The following KAZN variants were observed in gnomAD, a reference collection of about 807,000 sequenced individuals.
The protein encoded by KAZN is kazrin.
In KAZN, 40 loss-of-function variants were observed where a neutral mutation model predicts 87.4. That is an observed-to-expected ratio of 0.46 (90% CI 0.36 to 0.60). The LOEUF is 0.60. Among genes scored for constraint, KAZN ranks in the 20% least tolerant of loss-of-function variants. KAZN has a pLI of 0.00. For synonymous variants in KAZN, 466 were observed against 458.3 expected, an observed-to-expected ratio of 1.02 and a Z score of -0.22; for missense variants, 898 against 1,073.9, an observed-to-expected ratio of 0.84 and a Z score of 2.29.
intron 2 of KAZN, among the ~76,000 whole-genome samples, chr1:14,383,697 C>T (rs1459526331): frequency 6.6e-6 from 1 of 152,094 alleles, no homozygotes; most frequent in African/African-American, 2.4e-5. Context: ...GTACCAGTAC[C>T]ATGCTGTTTT....
intron 1 of KAZN, among the ~76,000 whole-genome samples, chr1:14,038,906 C>G (rs545055672): frequency 6.6e-6 from 1 of 152,294 alleles, no homozygotes; most frequent in East Asian, 1.9e-4. Flanking sequence ...TGGCTCATGC[C>G]TGTAATCCCA....
intron 1 of KAZN, among the ~76,000 whole-genome samples, chr1:14,903,026 G>A (rs1353650664): frequency 6.6e-6 from 1 of 151,754 alleles, no homozygotes; most frequent in South Asian, 2.1e-4. Context: ...CTGCCACCAC[G>A]CCCAGCTAAT....
At chr1:14,746,444 G>T (rs1425191515) in intron 1 of KAZN, among the ~76,000 whole-genome samples, 2 of 152,028 alleles carry the variant, frequency 1.3e-5, no homozygotes, top group African/African-American at 4.8e-5. Context: ...GAGGTCACTG[G>T]CAGACAATTA....
intron 2 of KAZN, among the ~76,000 whole-genome samples, chr1:14,396,363 A>C (rs1179389616): frequency 6.6e-6 from 1 of 152,182 alleles, no homozygotes; most frequent in Non-Finnish European, 1.5e-5. Flanking sequence ...AGCTAGGGCA[A>C]ACCCAAGTCC....
chr1:14,043,100 A>G (rs1340886279), intron 1 of KAZN, among the ~76,000 whole-genome samples: 1 of 152,190 alleles, frequency 6.6e-6, no homozygotes, highest in Non-Finnish European at 1.5e-5. Context: ...CTTGGCAATT[A>G]CCATTCTACT....
chr1:14,822,914 C>T (rs570659107), intron 1 of KAZN, among the ~76,000 whole-genome samples: 1 of 152,290 alleles, frequency 6.6e-6, no homozygotes, highest in African/African-American at 2.4e-5. Context: ...AGCCCTGGCC[C>T]GTGCCGCTTT....
intron 2 of KAZN, among the ~76,000 whole-genome samples, chr1:14,459,260 C>CGTGTGTGTGTGTGTGTGT (rs969777643): frequency 1.7e-5 from 2 of 118,028 alleles, no homozygotes; most frequent in Admixed American, 1.6e-4. Context: ...TGTGTGTGCG[C>CGTGTGTGTGTGTGTGTGT]GTGTGTGTGT....
At chr1:14,034,732 G>A (rs1641475007) in intron 1 of KAZN, among the ~76,000 whole-genome samples, 1 of 152,160 alleles carries the variant, frequency 6.6e-6, no homozygotes. Flanking sequence ...TTCGTTGGGT[G>A]CACTTAGTGC....
intron 1 of KAZN, among the ~76,000 whole-genome samples, chr1:14,047,390 C>G (rs1287231406): frequency 6.6e-6 from 1 of 152,172 alleles, no homozygotes; most frequent in Non-Finnish European, 1.5e-5. Context: ...GACCTCTTGC[C>G]TGGACACCCA....
chr1:15,001,099 C>T (rs1208394314), intron 2 of KAZN, among the ~76,000 whole-genome samples: 1 of 151,864 alleles, frequency 6.6e-6, no homozygotes, highest in African/African-American at 2.4e-5. Context: ...GGAGACCTTG[C>T]CTCTAAAAAA....
rs1479113087 is a variant in KAZN at position 14,159,804 on chromosome 1, GT to G, written c.92-20630del. Reference sequence around the variant, plus strand: ...CACTGCTGGGCTCTTCAGTTAGCAGGTGATGAATCCTTCCAGGACTCCTTCC... The same window carrying G: ...CACTGCTGGGCTCTTCAGTTAGCAGGGATGAATCCTTCCAGGACTCCTTCC... On this transcript the variant is annotated intron_variant, in intron 1 of 16. Transcript: ENST00000636203. Among the ~76,000 whole-genome samples, 5 of 152,304 alleles carry G rather than the reference GT, an allele frequency of 3.3e-5. No individual in the cohort carries two copies. The East Asian group carries it at 7.7e-4, about 24-fold the overall frequency.
chr1:14,276,563 C>T (rs956768351), intron 2 of KAZN, among the ~76,000 whole-genome samples: 1 of 152,134 alleles, frequency 6.6e-6, no homozygotes, highest in Non-Finnish European at 1.5e-5. Context: ...TCTCCTACCT[C>T]CTGGCAGCTT....
chr1:14,362,605 G>A (rs1186179089), intron 2 of KAZN, among the ~76,000 whole-genome samples: 1 of 152,176 alleles, frequency 6.6e-6, no homozygotes, highest in African/African-American at 2.4e-5. Context: ...AGAAGGCTAA[G>A]ATACTCTGGC....
intron 1 of KAZN, among the ~76,000 whole-genome samples, chr1:14,024,347 T>C (rs1236221438): frequency 1.3e-5 from 2 of 152,188 alleles, no homozygotes; most frequent in African/African-American, 4.8e-5. Flanking sequence ...GTTGCTAATA[T>C]AAAACTCTTT....
chr1:14,777,691 C>T (rs1247973034), intron 1 of KAZN, among the ~76,000 whole-genome samples: 1 of 152,188 alleles, frequency 6.6e-6, no homozygotes. Flanking sequence ...TCCTCATTGT[C>T]ACTCGGGTCT....
intron 1 of KAZN, among the ~76,000 whole-genome samples, chr1:14,901,794 C>A (rs879927380): frequency 6.6e-6 from 1 of 152,190 alleles, no homozygotes; most frequent in Admixed American, 6.5e-5. Flanking sequence ...TCTCTGCCCC[C>A]ACAGCTGCCT....
At chr1:14,610,562 T>TC (rs1236728648) in intron 1 of KAZN, among the ~76,000 whole-genome samples, 1 of 152,146 alleles carries the variant, frequency 6.6e-6, no homozygotes. Flanking sequence ...TTAGAGTTTC[T>TC]CCTCTTCTAG....
chr1:14,155,351 T>A (rs1645569834), intron 1 of KAZN, among the ~76,000 whole-genome samples: 1 of 152,194 alleles, frequency 6.6e-6, no homozygotes, highest in South Asian at 2.1e-4. Flanking sequence ...TAATGATCCT[T>A]TAATTTTGTG....
At chr1:14,750,264 C>T (rs1267551434) in intron 1 of KAZN, among the ~76,000 whole-genome samples, 3 of 151,138 alleles carry the variant, frequency 2.0e-5, no homozygotes, top group Non-Finnish European at 2.9e-5. Context: ...TTCATGGGTG[C>T]GGCCACAGAC....
Sources: allele counts gnomAD v4.1 joint callset (sites outside exome capture counted in the v4.1 genomes callset), GRCh38; gene constraint gnomAD v4.1.1; transcripts MANE v1.5; gene names NCBI Gene and HGNC (gene_info 2026-07-23, HGNC 2026-07-21).